Variants in INPP5A observed in about 807,000 individuals in gnomAD.
The protein encoded by INPP5A is 43 kDa inositol polyphosphate 5-phophatase.
Under a neutral mutation model 65.2 loss-of-function variants are expected in INPP5A, and 14 were observed. The observed-to-expected ratio is 0.21, with a 90% CI of 0.14 to 0.34. The LOEUF is 0.34. Ranked by LOEUF, INPP5A falls within the 10% of genes least tolerant of loss-of-function variation. INPP5A has a pLI of 1.00. For synonymous variants in INPP5A, 207 were observed against 208.3 expected (o/e 0.99, Z 0.05); for missense variants, 431 against 545.6 (o/e 0.79, Z 2.09).
chr10:132,682,157 GTGGGAAGGTGGACAGCGTCCTGGAGA>G (rs879645788), intron 4 of INPP5A, among the ~76,000 whole-genome samples: 23,764 of 147,878 alleles, frequency 0.16, 2,471 homozygotes, highest in Admixed American at 0.26. Flanking sequence ...CGTCCTGGAG[GTGGGAAGGTGGACAGCGTCCTGGAGA>G]TGGGAAGGTG....
chr10:132,610,856 G>A (rs1339442812), intron 2 of INPP5A, among the ~76,000 whole-genome samples: 1 of 152,276 alleles, frequency 6.6e-6, no homozygotes, highest in East Asian at 1.9e-4. Flanking sequence ...GGATGAGGAT[G>A]TAGGCAGATC....
intron 4 of INPP5A, among the ~76,000 whole-genome samples, chr10:132,683,046 C>T (rs1469540274): frequency 6.8e-6 from 1 of 147,252 alleles, no homozygotes; most frequent in Admixed American, 6.7e-5. Flanking sequence ...CCAGCAAGGC[C>T]ATCTGTGTAT....
intron 7 of INPP5A, chr10:132,708,580 G>A (rs1228252540): frequency 1.5e-6 from 1 of 686,036 alleles, no homozygotes; most frequent in Admixed American, 2.0e-5. Context: ...ACATCTGGGT[G>A]CCCAGTGCCA....
At chr10:132,720,366 T>C (rs1845845593) in intron 8 of INPP5A, among the ~76,000 whole-genome samples, 1 of 142,570 alleles carries the variant, frequency 7.0e-6, no homozygotes. Context: ...GGTTCTGTGG[T>C]ACCTGGGTTC....
intron 4 of INPP5A, among the ~76,000 whole-genome samples, chr10:132,661,198 T>A (rs187791430): frequency 6.6e-6 from 1 of 152,262 alleles, no homozygotes; most frequent in Non-Finnish European, 1.5e-5. Flanking sequence ...GTAAATTGTT[T>A]GATGCTTGAG....
chr10:132,738,188 G>T (rs1260727611), intron 9 of INPP5A, among the ~76,000 whole-genome samples: 1 of 152,156 alleles, frequency 6.6e-6, no homozygotes, highest in African/African-American at 2.4e-5. Flanking sequence ...TCCTCTGACT[G>T]CCCTTGGTTT....
chr10:132,747,488 G>A lies in INPP5A; in HGVS notation c.733-2029G>A, dbSNP rs551967723. 3.4e-4 allele frequency among the ~76,000 whole-genome samples: 52 copies of A among 152,386 alleles called. 2 individuals carry two copies. The South Asian group carries it at 0.011, about 32-fold the overall frequency. ...GGTAGACGCTGCATCTTGGCAAGAG[G>A]CGGGTCGGGCTGCCGAAGGGCTCCA... On this transcript the variant is annotated intron_variant, in intron 9 of 15. Coordinates refer to ENST00000368594, the MANE Select transcript of INPP5A (RefSeq NM_005539.5).
At chr10:132,713,180 G>C (rs952595440) in intron 8 of INPP5A, among the ~76,000 whole-genome samples, 1 of 151,970 alleles carries the variant, frequency 6.6e-6, no homozygotes, top group Non-Finnish European at 1.5e-5. Flanking sequence ...GTGTGCATTT[G>C]TGGGTATGTG....
At chr10:132,568,846 T>C (rs1341008533) in intron 1 of INPP5A, among the ~76,000 whole-genome samples, 1 of 151,810 alleles carries the variant, frequency 6.6e-6, no homozygotes, top group Non-Finnish European at 1.5e-5. Context: ...GTCAAAACTA[T>C]GTAAGTTTAC....
At position 132,736,338 on chromosome 10, in the gene INPP5A, G is replaced by A. The variant is rs577158626; in HGVS notation, c.732+9433G>A. 4.6e-5 allele frequency among the ~76,000 whole-genome samples: 7 copies of A among 152,360 alleles called. No individual in the cohort carries two copies. In the East Asian group the frequency reaches 5.8e-4, roughly 13 times the overall value. Reference sequence around the variant, plus strand: ...GGCCCGACCGCACACCACACCTGCCGTCCATCACGTCTGACAGTGACGGTG... The same window carrying A: ...GGCCCGACCGCACACCACACCTGCCATCCATCACGTCTGACAGTGACGGTG... On this transcript the variant is annotated intron_variant, in intron 9 of 15. Coordinates refer to ENST00000368594, the MANE Select transcript of INPP5A (RefSeq NM_005539.5).
At chr10:132,712,598 G>A (rs947765716) in intron 8 of INPP5A, among the ~76,000 whole-genome samples, 1 of 151,710 alleles carries the variant, frequency 6.6e-6, no homozygotes, top group Non-Finnish European at 1.5e-5. Flanking sequence ...GTGTATGTGT[G>A]CGCGGGTGTG....
At chr10:132,580,052 C>T (rs1453890150) in intron 1 of INPP5A, among the ~76,000 whole-genome samples, 2 of 151,782 alleles carry the variant, frequency 1.3e-5, no homozygotes, top group African/African-American at 4.8e-5. Flanking sequence ...GCTGGCAGCT[C>T]CCAGGGCTGA....
At chr10:132,714,561 C>G (rs910052848) in intron 8 of INPP5A, among the ~76,000 whole-genome samples, 1 of 152,174 alleles carries the variant, frequency 6.6e-6, no homozygotes, top group African/African-American at 2.4e-5. Flanking sequence ...CTTCCCAGGT[C>G]CATGTCCCGT....
At chr10:132,723,632 T>TTGTGGGGATTGGCCA (rs1418532579) in intron 8 of INPP5A, among the ~76,000 whole-genome samples, 4 of 68,260 alleles carry the variant, frequency 5.9e-5, no homozygotes, top group East Asian at 2.8e-4. Context: ...GGGATTGGTT[T>TTGTGGGGATTGGCCA]TGTGGGGATT....
chr10:132,560,703 C>T (rs1378026345), intron 1 of INPP5A, among the ~76,000 whole-genome samples: 12 of 152,038 alleles, frequency 7.9e-5, no homozygotes, highest in Admixed American at 7.9e-4. Context: ...CTCAAGGTAT[C>T]CTCCCACCTC....
At position 132,627,939 on chromosome 10, in the gene INPP5A, G is replaced by A. The variant is rs979731636; in HGVS notation, c.118-17929G>A. On this transcript the variant is annotated intron_variant, in intron 2 of 15. Transcript: ENST00000368594. This position sits in a 1 kb window ranked among gnomAD's most constrained non-coding sequence, Gnocchi z 6.6. ...TGGAGAGAAACTGGAGATAAGGGACGCGAATCTGACTCGGTGACTTTGTTG... is the reference window on the plus strand; with the variant it reads ...TGGAGAGAAACTGGAGATAAGGGACACGAATCTGACTCGGTGACTTTGTTG... Among the ~76,000 whole-genome samples the A allele has an allele frequency of 3.9e-5, 6 of 152,150 alleles. No individual in the cohort carries two copies. Among genetic ancestry groups the A allele is most frequent in the Admixed American group, 2.6e-4 (4 of 15,270 alleles).
intron 2 of INPP5A, among the ~76,000 whole-genome samples, chr10:132,640,521 C>T (rs1263015580): frequency 6.6e-6 from 1 of 152,278 alleles, no homozygotes; most frequent in South Asian, 2.1e-4. Context: ...TTGGGCAAAG[C>T]CCGAAGAGGG....
intron 9 of INPP5A, among the ~76,000 whole-genome samples, chr10:132,737,330 C>A (rs1846195039): frequency 6.6e-6 from 1 of 152,222 alleles, no homozygotes; most frequent in South Asian, 2.1e-4. Context: ...TCAGCACCGT[C>A]TCCAGAGCAG....
intron 1 of INPP5A, among the ~76,000 whole-genome samples, chr10:132,596,968 T>C (rs1165517497): frequency 1.3e-5 from 2 of 151,590 alleles, no homozygotes; most frequent in East Asian, 3.9e-4. Context: ...TGTGTGCGTG[T>C]GTGCATGCGT....
Sources: allele counts gnomAD v4.1 joint callset (sites outside exome capture counted in the v4.1 genomes callset), GRCh38; gene constraint gnomAD v4.1.1; non-coding constraint Gnocchi (gnomAD v3.1); transcripts MANE v1.5; gene names NCBI Gene and HGNC (gene_info 2026-07-23, HGNC 2026-07-21).